The following QTMAN variants were observed in gnomAD, a reference collection of about 807,000 sequenced individuals.
QTMAN encodes the protein queuosine-tRNA mannosyltransferase, also known as tRNA-queuosine alpha-mannosyltransferase.
the QTMAN span, among the ~76,000 whole-genome samples, chr2:144,270,314 C>CA: frequency 6.6e-6 from 1 of 152,128 alleles, no homozygotes; most frequent in African/African-American, 2.4e-5. Flanking sequence ...GGTATATACC[C>CA]AATGGATTTG....
At chr2:144,150,383 A>C in the QTMAN span, among the ~76,000 whole-genome samples, 1 of 152,010 alleles carries the variant, frequency 6.6e-6, no homozygotes, top group African/African-American at 2.4e-5. Context: ...AGTATTTTCT[A>C]TGATGATGAA....
chr2:144,324,741 C>T, the QTMAN span, among the ~76,000 whole-genome samples: 3 of 151,756 alleles, frequency 2.0e-5, no homozygotes, highest in African/African-American at 7.3e-5. Flanking sequence ...GAAGCTGGTG[C>T]ACACTGAAAA....
the QTMAN span, among the ~76,000 whole-genome samples, chr2:143,952,999 T>G: frequency 1.3e-5 from 2 of 151,846 alleles, no homozygotes; most frequent in Admixed American, 6.6e-5. Context: ...CCAAAGTTGC[T>G]CTTTTAAAAG....
chr2:144,125,851 G>A, the QTMAN span, among the ~76,000 whole-genome samples: 12 of 151,930 alleles, frequency 7.9e-5, no homozygotes, highest in Non-Finnish European at 1.6e-4. Flanking sequence ...AGGAATAGTA[G>A]GAAGAACAAA....
the QTMAN span, among the ~76,000 whole-genome samples, chr2:143,952,408 T>A: frequency 6.6e-6 from 1 of 151,564 alleles, no homozygotes. Context: ...TATTATTAAC[T>A]AGTCAATTGT....
At chr2:143,989,664 T>C in the QTMAN span, among the ~76,000 whole-genome samples, 1 of 152,170 alleles carries the variant, frequency 6.6e-6, no homozygotes, top group Non-Finnish European at 1.5e-5. Context: ...TACATGCATA[T>C]ATACATATAT....
chr2:144,130,692 A>G, the QTMAN span, among the ~76,000 whole-genome samples: 1 of 151,934 alleles, frequency 6.6e-6, no homozygotes, highest in South Asian at 2.1e-4. Context: ...ACAATGTAAC[A>G]TGACTGAAAT....
the QTMAN span, among the ~76,000 whole-genome samples, chr2:144,073,461 T>C: frequency 6.6e-6 from 1 of 152,110 alleles, no homozygotes. Context: ...ATATTCATTA[T>C]GTCCTTTTGA....
the QTMAN span, among the ~76,000 whole-genome samples, chr2:144,194,006 C>T: frequency 1.3e-5 from 2 of 152,088 alleles, no homozygotes; most frequent in Non-Finnish European, 2.9e-5. Context: ...ATTATGGTTT[C>T]GGGCCAAACA....
chr2:144,048,585 T>C, the QTMAN span, among the ~76,000 whole-genome samples: 1 of 152,306 alleles, frequency 6.6e-6, no homozygotes, highest in Admixed American at 6.5e-5. Flanking sequence ...GCAGCTTTAA[T>C]GTATATATCA....
At chr2:144,048,565 G>A in the QTMAN span, among the ~76,000 whole-genome samples, 3,193 of 152,202 alleles carry the variant, frequency 0.021, 44 homozygotes, top group Middle Eastern at 0.051. Context: ...CATTTGTAGA[G>A]AGAAAAAATG....
the QTMAN span, among the ~76,000 whole-genome samples, chr2:144,285,539 T>G: frequency 6.6e-6 from 1 of 152,190 alleles, no homozygotes; most frequent in African/African-American, 2.4e-5. Flanking sequence ...GGCAGAACTG[T>G]GACTTGAACT....
At chr2:144,137,329 T>C in the QTMAN span, among the ~76,000 whole-genome samples, 1 of 152,144 alleles carries the variant, frequency 6.6e-6, no homozygotes, top group Non-Finnish European at 1.5e-5. Flanking sequence ...GGTTATTTGA[T>C]GTGCAGAGTT....
the QTMAN span, among the ~76,000 whole-genome samples, chr2:144,053,257 T>A: frequency 2.6e-5 from 4 of 152,204 alleles, no homozygotes; most frequent in Non-Finnish European, 5.9e-5. Flanking sequence ...CAGATCACAG[T>A]GTTAAATGTA....
At chr2:144,052,236 T>C in the QTMAN span, among the ~76,000 whole-genome samples, 1 of 152,180 alleles carries the variant, frequency 6.6e-6, no homozygotes, top group Non-Finnish European at 1.5e-5. Context: ...GATAACAGGA[T>C]AAAACTGGGG....
the QTMAN span, among the ~76,000 whole-genome samples, chr2:143,977,874 G>A: frequency 2.0e-5 from 3 of 152,132 alleles, no homozygotes; most frequent in African/African-American, 7.2e-5. Context: ...CAAAGTCCAT[G>A]AGCACTCTAA....
chr2:144,308,938 C>A, the QTMAN span, among the ~76,000 whole-genome samples: 3 of 152,086 alleles, frequency 2.0e-5, no homozygotes, highest in Admixed American at 2.0e-4. Flanking sequence ...AAGAAACAAT[C>A]CAACGTTTTT....
chr2:144,330,399 T>A, the QTMAN span, among the ~76,000 whole-genome samples: 1 of 152,156 alleles, frequency 6.6e-6, no homozygotes, highest in African/African-American at 2.4e-5. Flanking sequence ...AAGTACACAT[T>A]TCTCAGAACA....
chr2:144,107,798 C>CA, the QTMAN span, among the ~76,000 whole-genome samples: 3 of 152,038 alleles, frequency 2.0e-5, no homozygotes, highest in African/African-American at 4.8e-5. Flanking sequence ...AGAGACACAA[C>CA]AAAAAAAGAG....
Sources: gnomAD v4.1 joint callset for allele counts (sites outside exome capture counted in the v4.1 genomes callset) on GRCh38, gnomAD v4.1.1 for gene constraint, MANE v1.5 for transcripts, NCBI Gene and HGNC (gene_info 2026-07-23, HGNC 2026-07-21) for gene names.